The following C4orf50 variants were observed in gnomAD, a reference collection of about 807,000 sequenced individuals.
The protein encoded by C4orf50 is uncharacterized protein C4orf50.
C4orf50 carries 80 observed loss-of-function variants against 77.2 expected under a neutral mutation model. The ratio of observed to expected loss-of-function variants is 1.04; its 90% CI spans 0.87 to 1.25. C4orf50 has a LOEUF of 1.25. Ranked by LOEUF, C4orf50 falls within the 50% of genes most tolerant of loss-of-function variation. The pLI is 0.00. For synonymous variants in C4orf50, 532 were observed against 465.3 expected (o/e 1.14, Z -1.84); for missense variants, 1,257 against 1,152.9 (o/e 1.09, Z -1.31).
chr4:5,933,431 G>A (rs59187081), intron 7 of C4orf50, among the ~76,000 whole-genome samples: 43,690 of 152,010 alleles, frequency 0.29, 7,625 homozygotes, highest in East Asian at 0.73. Flanking sequence ...TCCACCTCCC[G>A]TCCCTACTCC....
chr4:6,015,676 C>G lies in C4orf50; in HGVS notation c.287+2469G>C, dbSNP rs917944501. Among the ~76,000 whole-genome samples the G allele has an allele frequency of 6.6e-6, 1 of 152,100 alleles. No individual in the cohort carries two copies. Among genetic ancestry groups the G allele is most frequent in the East Asian group, 1.9e-4 (1 of 5,176 alleles). ...AGAAGTCGGAATCAGTCTTCCTGAGCTAGTCGAGCTGTCAGTGGAGCCAAG... is the reference window on the plus strand; with the variant it reads ...AGAAGTCGGAATCAGTCTTCCTGAGGTAGTCGAGCTGTCAGTGGAGCCAAG... On this transcript the variant is annotated intron_variant, in intron 23 of 33. Transcript: ENST00000531445. This position sits in a 1 kb window ranked among gnomAD's most constrained non-coding sequence, Gnocchi z 4.4.
In C4orf50 at chr4:5,949,181, C is replaced by T. The variant is rs1002005963; in HGVS notation, c.*2474+7720G>A. On this transcript the variant is annotated intron_variant, in intron 7 of 7. Coordinates refer to the C4orf50 transcript ENST00000324058. ...AGCAGCAAGACCCCCGCCCTGCGCC[C>T]GTGAAAAACTGTAGCACAGTGACCT... is the stretch of plus-strand genomic sequence containing the variant. Among the ~76,000 whole-genome samples, 7 of 152,160 alleles carry T rather than the reference C, an allele frequency of 4.6e-5. No individual in the cohort carries two copies. The South Asian group carries it at 8.3e-4, about 18-fold the overall frequency.
rs575634970 is a variant in C4orf50 at position 5,916,456 on chromosome 4, C to A, written c.*2475-18268G>T. ...AGACCCCAGGCACTGGGTTGTTTTC[C>A]CTCACATCGCAGCCCACTCCCTTCT... is the stretch of plus-strand genomic sequence containing the variant. On this transcript the variant is annotated intron_variant, in intron 7 of 7. Coordinates refer to the C4orf50 transcript ENST00000324058. This position sits in a 1 kb window ranked among gnomAD's most constrained non-coding sequence, Gnocchi z 4.4. 5.7e-4 allele frequency among the ~76,000 whole-genome samples: 87 copies of A among 152,240 alleles called. 2 individuals are homozygous for A. The South Asian group carries it at 7.9e-3, about 14-fold the overall frequency.
At chr4:5,956,344 C>A (rs1577929215), downstream of C4orf50, among the ~76,000 whole-genome samples, 1 of 152,210 alleles carries the variant, frequency 6.6e-6, no homozygotes, top group East Asian at 1.9e-4. Flanking sequence ...CCAGGAAGCC[C>A]TCCCTGACTG....
At chr4:5,962,052 A>G (rs948538641) in intron 33 of C4orf50, among the ~76,000 whole-genome samples, 5 of 152,190 alleles carry the variant, frequency 3.3e-5, no homozygotes, top group Non-Finnish European at 5.9e-5. Flanking sequence ...CCAAATGCTC[A>G]TGACGACTGG....
At chr4:6,001,269 C>G (rs924308049) in intron 25 of C4orf50, among the ~76,000 whole-genome samples, 2 of 152,196 alleles carry the variant, frequency 1.3e-5, no homozygotes, top group African/African-American at 4.8e-5. Flanking sequence ...CCTGCCTCAG[C>G]CTCCCGAGTA....
chr4:5,901,207 A>C lies in C4orf50; in HGVS notation c.*2475-3019T>G, dbSNP rs990572501. 13 of 152,268 alleles carry C rather than the reference A, an allele frequency of 8.5e-5. No homozygotes were observed. The highest frequency in any genetic ancestry group is 5.2e-4 in the Admixed American group (8 of 15,286). 9.4% of individuals were successfully genotyped at this position (152,268 alleles called of 1,614,324 possible). A position where few individuals can be genotyped will look rare whatever the true frequency, so the allele number is the denominator to read the frequency against. On this transcript the variant is annotated intron_variant, in intron 7 of 7. Transcript: ENST00000324058. The surrounding 1 kb of genome is among the most constrained non-coding windows in gnomAD (Gnocchi z 4.4). ...GGACTTTCTTCCAAATTGTCATATG[A>C]CAGATCACCTTGTTCATAATGGCAC...
At chr4:5,936,528 C>T (rs1718021823) in intron 7 of C4orf50, among the ~76,000 whole-genome samples, 1 of 139,752 alleles carries the variant, frequency 7.2e-6, no homozygotes, top group South Asian at 2.2e-4. Context: ...CACCACTGCA[C>T]TCCAGCCTGG....
In C4orf50 at chr4:5,992,810, C is replaced by A. The variant is rs918243517; in HGVS notation, c.1214G>T (p.Arg405Leu). ...GAAAGCCTCTGGCCTCACCTGTTCACGGTTGGATCCGGCCAGGTCTCTGGG... is the reference window on the plus strand; with the variant it reads ...GAAAGCCTCTGGCCTCACCTGTTCAAGGTTGGATCCGGCCAGGTCTCTGGG... The change falls in exon 27 of 34, where the codon CGT (arginine) becomes CTT (leucine). Residue 405 changes from arginine (R) to leucine (L), a missense_variant. Coordinates refer to ENST00000531445, the Ensembl canonical transcript of C4orf50. The surrounding 1 kb of genome is among the most constrained non-coding windows in gnomAD (Gnocchi z 5.0). The A allele has an allele frequency of 1.0e-5, 4 of 399,036 alleles. No homozygotes were observed. Among genetic ancestry groups the A allele is most frequent in the Middle Eastern group, 6.2e-4 (1 of 1,610 alleles). The allele number at this position is 399,036 out of a possible 1,614,324, so 24.7% of individuals were successfully genotyped here.
chr4:5,965,578 A>AG (rs1427745967), intron 32 of C4orf50, among the ~76,000 whole-genome samples: 1 of 152,262 alleles, frequency 6.6e-6, no homozygotes, highest in Non-Finnish European at 1.5e-5. Flanking sequence ...AAGCTGAGCA[A>AG]GAGAGGGAAG....
intron 28 of C4orf50, among the ~76,000 whole-genome samples, chr4:5,980,638 G>C (rs2108781415): frequency 6.6e-6 from 1 of 152,130 alleles, no homozygotes; most frequent in South Asian, 2.1e-4. Flanking sequence ...TGGGTGTTGG[G>C]GAGGGCCTGG....
chr4:5,977,941 A>T (rs1301673113), intron 29 of C4orf50, among the ~76,000 whole-genome samples: 1 of 152,264 alleles, frequency 6.6e-6, no homozygotes, highest in Non-Finnish European at 1.5e-5. Context: ...ACTTCTATCT[A>T]GAACATAAAA....
At position 5,989,481 on chromosome 4, in the gene C4orf50, C is replaced by T. The variant is rs1276394062; in HGVS notation, c.2565G>A (p.Gln855=). 1.1e-5 allele frequency: 17 copies of T among 1,536,012 alleles called. No individual in the cohort carries two copies. In the Admixed American group the frequency reaches 3.1e-4, roughly 28 times the overall value. ...AAATACCCCAATTTCCCCAAACCTGCTGAGAGTGAGCTCTCTCCCAGCCAC... is the reference window on the plus strand; with the variant it reads ...AAATACCCCAATTTCCCCAAACCTGTTGAGAGTGAGCTCTCTCCCAGCCAC... The change falls in exon 28 of 34, where the codon CAG becomes CAA. Residue 855 remains glutamine, a synonymous_variant. Transcript: ENST00000531445.
intron 25 of C4orf50, among the ~76,000 whole-genome samples, chr4:6,003,783 GTGATGGTGATGATGGTGATGGTGA>G (rs1577990638): frequency 3.2e-5 from 3 of 92,802 alleles, no homozygotes; most frequent in Non-Finnish European, 6.5e-5. Context: ...GGTGATGATG[GTGATGGTGATGATGGTGATGGTGA>G]TGATGGTGAT....
At chr4:5,996,682 T>A (rs1721605635) in intron 25 of C4orf50, among the ~76,000 whole-genome samples, 2 of 152,216 alleles carry the variant, frequency 1.3e-5, no homozygotes, top group Admixed American at 1.3e-4. Flanking sequence ...CTTGTCCATT[T>A]CTTCTCAAAG....
intron 7 of C4orf50, among the ~76,000 whole-genome samples, chr4:5,939,662 A>G (rs947719880): frequency 1.3e-5 from 2 of 151,932 alleles, no homozygotes; most frequent in African/African-American, 4.8e-5. Flanking sequence ...TGGAGGAGAA[A>G]CCCACCCTGG....
At chr4:5,943,725 G>C (rs1718366344) in intron 7 of C4orf50, among the ~76,000 whole-genome samples, 2 of 152,184 alleles carry the variant, frequency 1.3e-5, no homozygotes, top group African/African-American at 2.4e-5. Flanking sequence ...CCAAGACGTA[G>C]AAGTCAGAAC....
intron 23 of C4orf50, among the ~76,000 whole-genome samples, chr4:6,014,501 T>C (rs1722609329): frequency 6.6e-6 from 1 of 152,228 alleles, no homozygotes; most frequent in Non-Finnish European, 1.5e-5. Flanking sequence ...TGTTATATTA[T>C]TTTGAGAAGA....
At chr4:5,912,009 G>A (rs761934559) in intron 7 of C4orf50, among the ~76,000 whole-genome samples, 3 of 152,164 alleles carry the variant, frequency 2.0e-5, no homozygotes, top group Non-Finnish European at 4.4e-5. Context: ...TTGCACCACT[G>A]CACTCCAGCT....
Sources: allele counts gnomAD v4.1 joint callset (sites outside exome capture counted in the v4.1 genomes callset), GRCh38; gene constraint gnomAD v4.1.1; non-coding constraint Gnocchi (gnomAD v3.1); transcripts MANE v1.5; gene names NCBI Gene and HGNC (gene_info 2026-07-23, HGNC 2026-07-21).